CREBZF: variants seen among roughly 807,000 people sequenced by gnomAD.
CREBZF encodes CREB/ATF bZIP transcription factor.
In CREBZF, 8 loss-of-function variants were observed where a neutral mutation model predicts 21.1. The observed-to-expected ratio is 0.38, with a 90% CI of 0.22 to 0.68. The LOEUF is 0.68. Ranked by LOEUF, CREBZF falls within the 30% of genes least tolerant of loss-of-function variation. The probability of loss-of-function intolerance (pLI) is 0.51; values close to 1 mark genes in which losing one functional copy is unlikely to be tolerated. For synonymous variants in CREBZF, 270 were observed against 223.3 expected, an observed-to-expected ratio of 1.21 and a Z score of -1.86; for missense variants, 518 against 484.3, an observed-to-expected ratio of 1.07 and a Z score of -0.65.
intron 1 of CREBZF, among the ~76,000 whole-genome samples, chr11:85,680,730 A>C (rs2082971299): frequency 6.6e-6 from 1 of 152,260 alleles, no homozygotes; most frequent in Admixed American, 6.5e-5. Context: ...TGTCCTTAGG[A>C]ATACACAATG....
chr11:85,668,525 CATA>C (rs935194814), upstream of CREBZF, among the ~76,000 whole-genome samples: 2 of 152,090 alleles, frequency 1.3e-5, no homozygotes, highest in Admixed American at 6.6e-5. Flanking sequence ...TAACCTTATA[CATA>C]ATAACTCTTT....
chr11:85,660,742 A>G lies in CREBZF; in HGVS notation c.*3069T>C. On this transcript the variant is annotated 3_prime_UTR_variant, in exon 1 of 1. Transcript: ENST00000527447. The stretch of plus-strand genomic sequence containing the variant: ...GGACTTTTTAAGATAAGTCTGGTCA[A>G]AGAAGTGCAGAAACAGTAAGTCAAT... 1 of 350,360 alleles carries G rather than the reference A, an allele frequency of 2.9e-6. No homozygotes were observed. Among genetic ancestry groups the G allele is most frequent in the South Asian group, 2.2e-5 (1 of 44,890 alleles). 21.7% of individuals were successfully genotyped at this position (350,360 alleles called of 1,614,324 possible).
chr11:85,675,596 G>C (rs2082937126), intron 1 of CREBZF, among the ~76,000 whole-genome samples: 2 of 152,272 alleles, frequency 1.3e-5, no homozygotes, highest in Admixed American at 1.3e-4. Flanking sequence ...GCCTGAAATA[G>C]TGTGAGTTAC....
In CREBZF at chr11:85,664,258, C is replaced by T; in HGVS notation, c.618G>A (p.Ala206=). The T allele has an allele frequency of 2.5e-6, 4 of 1,612,694 alleles. No individual in the cohort carries two copies. Among genetic ancestry groups the T allele is most frequent in the Non-Finnish European group, 3.4e-6 (4 of 1,179,804 alleles). The change falls in exon 1 of 1, where the codon GCG becomes GCA. Residue 206 remains alanine (A), a synonymous_variant. Coordinates refer to ENST00000527447, the MANE Select transcript of CREBZF (RefSeq NM_001039618.4). The surrounding 1 kb of genome is among the most constrained non-coding windows in gnomAD (Gnocchi z 5.5). ...CCGCCGCCTTCCGGGGACTCTTTGT[C>T]GCCGCCTGGTTGTTGTCGTTACCGC... ...GGSGNDNNQA[A]TKSPRKAAAA... is the part of the protein sequence containing the mutation.
In CREBZF at chr11:85,670,396, C is replaced by T. The variant is rs529569438; in HGVS notation, n.148-6795G>A. On this transcript the variant is annotated intron_variant and non_coding_transcript_variant, in intron 1 of 3. Coordinates refer to the CREBZF transcript ENST00000531515. ...TCTGCTCACTGCAAACTCCACCTCC[C>T]GGGTTCACACCATTCTCCTGCCTCA... 1.8e-3 allele frequency among the ~76,000 whole-genome samples: 265 copies of T among 149,992 alleles called. 1 individual carries two copies. The highest frequency in any genetic ancestry group is 3.4e-3 in the Non-Finnish European group (228 of 67,494).
At chr11:85,681,304 G>A (rs916604891) in intron 1 of CREBZF, among the ~76,000 whole-genome samples, 5 of 152,106 alleles carry the variant, frequency 3.3e-5, no homozygotes, top group African/African-American at 9.7e-5. Context: ...AGAACAGCAG[G>A]CACCTGGGCA....
chr11:85,680,110 G>A (rs1416914500), intron 1 of CREBZF, among the ~76,000 whole-genome samples: 3 of 152,044 alleles, frequency 2.0e-5, no homozygotes, highest in Non-Finnish European at 4.4e-5. Flanking sequence ...TTATGCAGCT[G>A]GAAATGTTTG....
upstream of CREBZF, among the ~76,000 whole-genome samples, chr11:85,669,506 G>A (rs1056470614): frequency 6.6e-6 from 1 of 152,014 alleles, no homozygotes; most frequent in African/African-American, 2.4e-5. Flanking sequence ...GGGCAAGGTT[G>A]ATAAAGTTCT....
chr11:85,675,770 C>T (rs768994914), intron 1 of CREBZF, among the ~76,000 whole-genome samples: 9 of 152,080 alleles, frequency 5.9e-5, no homozygotes, highest in East Asian at 1.9e-4. Context: ...GGTACAGAGA[C>T]GAGGGTGCTC....
chr11:85,679,380 C>A (rs750354551), intron 1 of CREBZF, among the ~76,000 whole-genome samples: 4 of 152,162 alleles, frequency 2.6e-5, no homozygotes, highest in Non-Finnish European at 5.9e-5. Flanking sequence ...TTGTATCCTA[C>A]CACTTAGCAT....
upstream of CREBZF, among the ~76,000 whole-genome samples, chr11:85,668,732 G>T (rs2082888799): frequency 6.6e-6 from 1 of 151,970 alleles, no homozygotes; most frequent in Admixed American, 6.5e-5. Flanking sequence ...GCCGGGCGCG[G>T]TGGCTCACGC....
In CREBZF at chr11:85,658,898, CTG is replaced by C. The variant is rs2082592265; in HGVS notation, c.*4911_*4912del. Among the ~76,000 whole-genome samples the C allele has an allele frequency of 2.0e-5, 3 of 151,956 alleles. No homozygotes were observed. Among genetic ancestry groups the C allele is most frequent in the African/African-American group, 4.8e-5 (2 of 41,394 alleles). ...CTTTTCAATTAGTTCATTGTGAAAA[CTG>C]AGCAAAATATTTTCAACAATTTTGG... On this transcript the variant is annotated 3_prime_UTR_variant, in exon 1 of 1. Coordinates refer to ENST00000527447, the MANE Select transcript of CREBZF (RefSeq NM_001039618.4).
chr11:85,674,417 A>G (rs997469669), intron 1 of CREBZF, among the ~76,000 whole-genome samples: 36 of 152,232 alleles, frequency 2.4e-4, no homozygotes, highest in African/African-American at 8.7e-4. Flanking sequence ...TAAAATATTC[A>G]GTAAACCACA....
Position 85,662,329 on chromosome 11 carries a change from TA to T in CREBZF, c.*1481del. The T allele has an allele frequency of 2.9e-6, 2 of 690,676 alleles. No homozygotes were observed. The highest frequency in any genetic ancestry group is 1.8e-5 in the African/African-American group (1 of 55,936). The allele number at this position is 690,676 out of a possible 1,614,324, so 42.8% of individuals were successfully genotyped here. ...AAATACTTTTTAATTATGAACATGT[TA>T]AAAATAAAAAACAGCAGAAGCCCTG... On this transcript the variant is annotated 3_prime_UTR_variant, in exon 1 of 1. Transcript: ENST00000527447.
chr11:85,681,910 C>A (rs913304975), intron 1 of CREBZF, among the ~76,000 whole-genome samples: 8 of 152,112 alleles, frequency 5.3e-5, no homozygotes, highest in African/African-American at 1.9e-4. Context: ...CAAAGTACCA[C>A]GGAGCACAGA....
intron 1 of CREBZF, among the ~76,000 whole-genome samples, chr11:85,673,658 T>C (rs908912887): frequency 2.0e-5 from 3 of 152,140 alleles, no homozygotes; most frequent in Admixed American, 2.0e-4. Context: ...ACAGTAAAGT[T>C]TGCAGCATCA....
chr11:85,672,774 T>G (rs952337398), intron 1 of CREBZF, among the ~76,000 whole-genome samples: 2 of 152,218 alleles, frequency 1.3e-5, no homozygotes, highest in Non-Finnish European at 2.9e-5. Context: ...ATGCCTTTTA[T>G]GACCTAGCCT....
At chr11:85,679,229 T>A (rs986177747) in intron 1 of CREBZF, among the ~76,000 whole-genome samples, 1 of 152,186 alleles carries the variant, frequency 6.6e-6, no homozygotes, top group Non-Finnish European at 1.5e-5. Flanking sequence ...TACATCCACT[T>A]CCAGGAAAAG....
Position 85,662,572 on chromosome 11 carries a change from A to C in CREBZF, c.*1239T>G. 1 of 582,364 alleles carries C rather than the reference A, an allele frequency of 1.7e-6. No homozygotes were observed. The highest frequency in any genetic ancestry group is 3.2e-6 in the Non-Finnish European group (1 of 316,616). The allele number at this position is 582,364 out of a possible 1,614,324, so 36.1% of individuals were successfully genotyped here. ...ACTGAAGGACACCATAATTCAATTTATACAACTGGTTAATAGATTCAAGGG... is the reference window on the plus strand; with the variant it reads ...ACTGAAGGACACCATAATTCAATTTCTACAACTGGTTAATAGATTCAAGGG... On this transcript the variant is annotated 3_prime_UTR_variant, in exon 1 of 1. Coordinates refer to ENST00000527447, the MANE Select transcript of CREBZF (RefSeq NM_001039618.4).
Sources: gnomAD v4.1 joint callset for allele counts (sites outside exome capture counted in the v4.1 genomes callset) on GRCh38, gnomAD v4.1.1 for gene constraint, Gnocchi (gnomAD v3.1) non-coding constraint, MANE v1.5 for transcripts, NCBI Gene and HGNC (gene_info 2026-07-23, HGNC 2026-07-21) for gene names.